Variants in RALGAPA2 observed in about 807,000 individuals in gnomAD.
RALGAPA2 encodes the protein ral GTPase-activating protein subunit alpha-2.
In RALGAPA2, 139 loss-of-function variants were observed where a neutral mutation model predicts 230.4. The ratio of observed to expected loss-of-function variants is 0.60; its 90% CI spans 0.53 to 0.69. RALGAPA2 has a LOEUF of 0.69. Ranked by LOEUF, RALGAPA2 falls within the 30% of genes least tolerant of loss-of-function variation. The pLI, the probability that RALGAPA2 is intolerant of heterozygous loss-of-function variation, is 0.00. For missense variants in RALGAPA2, 2,163 were observed against 2,276.0 expected (o/e 0.95, Z 1.01); for synonymous variants, 847 against 837.8 (o/e 1.01, Z -0.19).
Position 20,605,299 on chromosome 20 carries a change from G to A in RALGAPA2, c.1914C>T (p.Asn638=), listed in dbSNP as rs375280363. The change falls in exon 15 of 40, where the codon AAC becomes AAT. Residue 638 remains asparagine, a synonymous_variant. Coordinates refer to ENST00000202677, the MANE Select transcript of RALGAPA2 (RefSeq NM_020343.4). ...AGGAGTCCATAATGTTGGCCCACTCGTTTATAAGTTCCTCCCATTCCGTGA... is the reference window on the plus strand; with the variant it reads ...AGGAGTCCATAATGTTGGCCCACTCATTTATAAGTTCCTCCCATTCCGTGA... ...SSLTEWEELI[N]EWANIMDSLT... is the part of the protein sequence containing the mutation. 53 of 1,613,532 alleles carry A rather than the reference G, an allele frequency of 3.3e-5. No homozygotes were observed. Among genetic ancestry groups the A allele is most frequent in the Middle Eastern group, 1.6e-4 (1 of 6,080 alleles).
At chr20:20,573,182 T>G in intron 20 of RALGAPA2, 114 bp from the exon 21 acceptor site, 1 of 917,906 alleles carries the variant, frequency 1.1e-6, no homozygotes, top group South Asian at 2.3e-5. Flanking sequence ...AGGCAAAAAA[T>G]GTGAAACAGC....
chr20:20,517,882 G>A (rs1198749480), intron 31 of RALGAPA2, among the ~76,000 whole-genome samples: 2 of 150,708 alleles, frequency 1.3e-5, no homozygotes, highest in African/African-American at 2.4e-5. Flanking sequence ...CTACACAAAT[G>A]AGAAGGAACC....
intron 3 of RALGAPA2, among the ~76,000 whole-genome samples, chr20:20,656,502 C>T (rs1298399088): frequency 1.3e-5 from 2 of 152,044 alleles, no homozygotes; most frequent in Admixed American, 6.5e-5. Flanking sequence ...ATAAATTGTA[C>T]AGAAGTAAAC....
intron 38 of RALGAPA2, among the ~76,000 whole-genome samples, chr20:20,409,348 G>A (rs1169205566): frequency 6.6e-6 from 1 of 152,224 alleles, no homozygotes; most frequent in East Asian, 1.9e-4. Context: ...CAGTGTTCAG[G>A]TGATGCTCCC....
At chr20:20,662,713 C>T (rs914752909) in intron 3 of RALGAPA2, among the ~76,000 whole-genome samples, 6 of 151,980 alleles carry the variant, frequency 3.9e-5, no homozygotes. Context: ...TGTGAGGGAT[C>T]AGAGATACAT....
chr20:20,675,215 T>A lies in RALGAPA2; in HGVS notation c.270+1021A>T, dbSNP rs981292176. Among the ~76,000 whole-genome samples, 7 of 152,038 alleles carry A rather than the reference T, an allele frequency of 4.6e-5. No individual in the cohort carries two copies. The East Asian group carries it at 1.3e-3, about 29-fold the overall frequency. ...TCAACATATGTGTATCAATAGCGAATCAACATCTGTACTCTGGGAAAGGAG... is the reference window on the plus strand; with the variant it reads ...TCAACATATGTGTATCAATAGCGAAACAACATCTGTACTCTGGGAAAGGAG... On this transcript the variant is annotated intron_variant, in intron 3 of 39. Coordinates refer to ENST00000202677, the MANE Select transcript of RALGAPA2 (RefSeq NM_020343.4).
At chr20:20,665,474 G>A (rs2067928563) in intron 3 of RALGAPA2, among the ~76,000 whole-genome samples, 1 of 152,222 alleles carries the variant, frequency 6.6e-6, no homozygotes, top group South Asian at 2.1e-4. Flanking sequence ...AAGGTGAACT[G>A]AGTAATTTGG....
intron 13 of RALGAPA2, among the ~76,000 whole-genome samples, chr20:20,615,392 C>T (rs1488382817): frequency 6.6e-6 from 1 of 151,992 alleles, no homozygotes; most frequent in Non-Finnish European, 1.5e-5. Context: ...GAACTCCTGA[C>T]ATCAGATGAT....
chr20:20,629,357 ACT>A lies in RALGAPA2; in HGVS notation c.1233+4_1233+5del. ...CACACACACACACACACACACACAC[ACT>A]AACCTGGTGAAATACTTCATTCACG... On this transcript the variant is annotated splice_donor_5th_base_variant and intron_variant, in intron 10 of 39. Coordinates refer to ENST00000202677, the MANE Select transcript of RALGAPA2 (RefSeq NM_020343.4). 2 of 1,542,874 alleles carry A rather than the reference ACT, an allele frequency of 1.3e-6. No homozygotes were observed. Among genetic ancestry groups the A allele is most frequent in the Non-Finnish European group, 1.8e-6 (2 of 1,133,820 alleles).
chr20:20,521,069 G>C lies in RALGAPA2; in HGVS notation c.3932C>G (p.Thr1311Arg). Reference sequence around the variant, plus strand: ...TATGTAGTGACTCTGTTGGGTGTACGTGCTTGAGCCACACACACAGCAGTG... The same window carrying C: ...TATGTAGTGACTCTGTTGGGTGTACCTGCTTGAGCCACACACACAGCAGTG... ...VLHCCVCGSS[T>R]YTQQSHYILT... The change falls in exon 31 of 40, where the codon ACG becomes AGG. Residue 1311 changes from threonine to arginine, a missense_variant. Physicochemically the swap from Thr to Arg is moderately conservative, Grantham distance 71. Coordinates refer to ENST00000202677, the MANE Select transcript of RALGAPA2 (RefSeq NM_020343.4). 6.2e-7 allele frequency: 1 copy of C among 1,613,166 alleles called. No individual in the cohort carries two copies. Among genetic ancestry groups the C allele is most frequent in the Non-Finnish European group, 8.5e-7 (1 of 1,179,326 alleles).
intron 37 of RALGAPA2, among the ~76,000 whole-genome samples, chr20:20,431,911 T>C (rs2060510278): frequency 6.6e-6 from 1 of 152,238 alleles, no homozygotes; most frequent in African/African-American, 2.4e-5. Flanking sequence ...GGGTTTTTCC[T>C]CTATGCAAAG....
intron 31 of RALGAPA2, among the ~76,000 whole-genome samples, chr20:20,515,167 A>G (rs1023447677): frequency 9.9e-5 from 15 of 152,222 alleles, no homozygotes; most frequent in Admixed American, 4.6e-4. Flanking sequence ...AACAAGGATC[A>G]AGTATATACC....
intron 10 of RALGAPA2, among the ~76,000 whole-genome samples, chr20:20,626,252 CAACA>C (rs2066486984): frequency 6.6e-6 from 1 of 152,094 alleles, no homozygotes; most frequent in Non-Finnish European, 1.5e-5. Flanking sequence ...CATCATTGAC[CAACA>C]GAGCAATAAA....
chr20:20,591,044 C>T lies in RALGAPA2; in HGVS notation c.2341+133G>A, dbSNP rs1426146698. On this transcript the variant is annotated intron_variant, in intron 17 of 39. Transcript: ENST00000202677. Reference sequence around the variant, plus strand: ...TTTCATTGCCATAAATCACATCCTTCTAATCAAATTAAAAAGGTAATTCCC... The same window carrying T: ...TTTCATTGCCATAAATCACATCCTTTTAATCAAATTAAAAAGGTAATTCCC... The T allele has an allele frequency of 6.5e-6, 7 of 1,084,406 alleles. No homozygotes were observed. The East Asian group carries it at 1.3e-4, about 21-fold the overall frequency. The allele number at this position is 1,084,406 out of a possible 1,614,324, so 67.2% of individuals were successfully genotyped here.
At chr20:20,678,417 G>T (rs1289733973) in intron 2 of RALGAPA2, among the ~76,000 whole-genome samples, 1 of 152,122 alleles carries the variant, frequency 6.6e-6, no homozygotes, top group African/African-American at 2.4e-5. Context: ...TCCACTCCAT[G>T]CTTGACAACT....
At chr20:20,594,884 C>G (rs1320052049) in intron 16 of RALGAPA2, among the ~76,000 whole-genome samples, 1 of 151,858 alleles carries the variant, frequency 6.6e-6, no homozygotes, top group Admixed American at 6.6e-5. Context: ...ACACAACTGG[C>G]TAGTTTTTTG....
intron 23 of RALGAPA2, among the ~76,000 whole-genome samples, chr20:20,557,015 T>C (rs770142132): frequency 1.3e-4 from 20 of 152,144 alleles, no homozygotes; most frequent in Non-Finnish European, 2.9e-4. Flanking sequence ...CCATCATAGA[T>C]AAAAGGATGG....
chr20:20,532,156 G>T (rs1182346501), intron 26 of RALGAPA2, among the ~76,000 whole-genome samples: 1 of 152,094 alleles, frequency 6.6e-6, no homozygotes, highest in Non-Finnish European at 1.5e-5. Context: ...TGAGAAAACT[G>T]TCAAAAATTG....
intron 13 of RALGAPA2, 54 bp downstream of exon 13, chr20:20,615,989 T>C: frequency 2.4e-6 from 3 of 1,267,136 alleles, no homozygotes; most frequent in South Asian, 1.9e-5. Context: ...TTTAATTATG[T>C]TGAAAAACAG....
Sources: allele counts gnomAD v4.1 joint callset (sites outside exome capture counted in the v4.1 genomes callset), GRCh38; gene constraint gnomAD v4.1.1; transcripts MANE v1.5; gene names NCBI Gene and HGNC (gene_info 2026-07-23, HGNC 2026-07-21).